SART3: variants seen among roughly 807,000 people sequenced by gnomAD.
SART3 encodes the protein spliceosome associated factor 3, U4/U6 recycling protein.
Under a neutral mutation model 122.3 loss-of-function variants are expected in SART3, and 44 were observed. The ratio of observed to expected loss-of-function variants is 0.36; its 90% CI spans 0.28 to 0.46. The LOEUF (loss-of-function observed/expected upper bound fraction) is 0.46, where lower values mean the gene tolerates loss of function less well. Ranked by LOEUF, SART3 falls within the 20% of genes least tolerant of loss-of-function variation. The probability of loss-of-function intolerance (pLI) is 1.00; values close to 1 mark genes in which losing one functional copy is unlikely to be tolerated. For missense variants in SART3, 1,101 were observed against 1,229.0 expected (o/e 0.90, Z 1.56); for synonymous variants, 442 against 454.0 (o/e 0.97, Z 0.34).
At chr12:108,542,889 G>A (rs769600503) in intron 6 of SART3, 139 bp downstream of exon 6, 67 of 1,144,892 alleles carry the variant, frequency 5.9e-5, no homozygotes, top group Non-Finnish European at 7.8e-5. Context: ...TTTATTATTA[G>A]TATGTAAACT....
rs1473885023 is a variant in SART3, at chr12:108,522,455, A to G, written c.*1002T>C. ...CTGGCCAATGCTGTTGCTGTTTTCA[A>G]AGCAGTAAATATTATTTGATAAAAG... is the stretch of plus-strand genomic sequence containing the variant. On this transcript the variant is annotated 3_prime_UTR_variant, in exon 19 of 19. Coordinates refer to ENST00000546815, the MANE Select transcript of SART3 (RefSeq NM_014706.4). 6.6e-6 allele frequency: 1 copy of G among 152,202 alleles called. No individual in the cohort carries two copies. The highest frequency in any genetic ancestry group is 2.4e-5 in the African/African-American group (1 of 41,448). 9.4% of individuals were successfully genotyped at this position (152,202 alleles called of 1,614,324 possible). A position where few individuals can be genotyped will look rare whatever the true frequency, so the allele number is the denominator to read the frequency against.
intron 1 of SART3, among the ~76,000 whole-genome samples, chr12:108,556,661 C>T (rs1054294809): frequency 6.6e-6 from 1 of 152,250 alleles, no homozygotes. Flanking sequence ...CATGAAAGAG[C>T]TGGGCTAAAG....
chr12:108,543,446 C>T (rs1294589441), intron 5 of SART3, among the ~76,000 whole-genome samples: 1 of 152,234 alleles, frequency 6.6e-6, no homozygotes, highest in African/African-American at 2.4e-5. Flanking sequence ...TCCACTAACT[C>T]ATTCAGTCAT....
intron 18 of SART3, chr12:108,524,032 T>C: frequency 1.8e-6 from 1 of 559,812 alleles, no homozygotes; most frequent in South Asian, 2.1e-5. Flanking sequence ...AACACACAGA[T>C]CCAACTGGCA....
chr12:108,551,623 T>C (rs1013380717), intron 1 of SART3, among the ~76,000 whole-genome samples: 2 of 152,294 alleles, frequency 1.3e-5, no homozygotes, highest in South Asian at 2.1e-4. Flanking sequence ...CTAATTTATA[T>C]AGAGAACAGC....
chr12:108,531,944 G>A, intron 13 of SART3: 1 of 408,420 alleles, frequency 2.4e-6, no homozygotes, highest in Non-Finnish European at 4.6e-6. Flanking sequence ...CTAGAAGCCA[G>A]GGATGCCCCT....
intron 6 of SART3, among the ~76,000 whole-genome samples, chr12:108,539,518 A>C (rs1310107985): frequency 6.6e-6 from 1 of 152,236 alleles, no homozygotes; most frequent in East Asian, 1.9e-4. Context: ...TCTTATTCCA[A>C]ATATCAGTTC....
rs781189937 is a variant in SART3, at chr12:108,531,264, C to T, written c.1686G>A (p.Trp562Ter). 6.2e-7 allele frequency: 1 copy of T among 1,613,626 alleles called. No homozygotes were observed. Among genetic ancestry groups the T allele is most frequent in the Non-Finnish European group, 8.5e-7 (1 of 1,179,636 alleles). The change falls in exon 14 of 19, where the codon TGG becomes TGA. Residue 562 changes from tryptophan (W) to a stop codon, truncating the protein, a stop_gained. Coordinates refer to ENST00000546815, the MANE Select transcript of SART3 (RefSeq NM_014706.4). LOFTEE classifies it high-confidence loss of function. ...TTTCAGTTTTCTGAACAGCTATATC[C>T]CAATCTTCTAAAGAACCTTGAAAGA... ...MERTEGSLED[W>*]DIAVQKTETR...
At chr12:108,555,949 C>T (rs1160845185) in intron 1 of SART3, among the ~76,000 whole-genome samples, 2 of 152,156 alleles carry the variant, frequency 1.3e-5, no homozygotes, top group African/African-American at 2.4e-5. Flanking sequence ...GGAATTGGCA[C>T]AGGATAGACA....
rs1368289499 is a variant in SART3, at chr12:108,549,123, C to T, written c.404G>A (p.Arg135His). The change falls in exon 2 of 19, where the codon CGC (arginine) becomes CAC (histidine). Residue 135 changes from arginine to histidine, a missense_variant. Arg to His is a conservative substitution (Grantham distance 29). This residue lies in a region of SART3 where 885 missense variants were observed against 1,080.1 expected (regional missense o/e 0.82). Coordinates refer to ENST00000546815, the MANE Select transcript of SART3 (RefSeq NM_014706.4). ...EGELTKVRMA[R>H]QKMSEIFPLT... ...GGGAAAGATTTCACTCATCTTCTGG[C>T]GGGCCATCCTCACCTTGGTAAGCTC... 2.5e-6 allele frequency: 4 copies of T among 1,614,158 alleles called. No homozygotes were observed. Among genetic ancestry groups the T allele is most frequent in the Admixed American group, 1.7e-5 (1 of 60,024 alleles).
chr12:108,538,243 T>TTAAG, intron 7 of SART3, 40 bp from the exon 8 acceptor site: 1 of 1,610,624 alleles, frequency 6.2e-7, no homozygotes, highest in Non-Finnish European at 8.5e-7. Flanking sequence ...TTACACTTTA[T>TTAAG]TAAGCATTCA....
chr12:108,550,838 G>A (rs1010874382), intron 1 of SART3, among the ~76,000 whole-genome samples: 1 of 152,008 alleles, frequency 6.6e-6, no homozygotes, highest in Admixed American at 6.6e-5. Context: ...ACAAAACAAG[G>A]CTCCATCTCA....
At chr12:108,552,406 T>G (rs1392184385) in intron 1 of SART3, among the ~76,000 whole-genome samples, 1 of 150,964 alleles carries the variant, frequency 6.6e-6, no homozygotes, top group African/African-American at 2.4e-5. Flanking sequence ...GCTATACAGC[T>G]CGGAAAAATA....
intron 14 of SART3, among the ~76,000 whole-genome samples, chr12:108,530,572 A>C (rs1872633023): frequency 6.6e-6 from 1 of 151,990 alleles, no homozygotes; most frequent in African/African-American, 2.4e-5. Context: ...AATCCATAAA[A>C]CTGGCCGGGC....
At chr12:108,547,244 T>G (rs1057373998) in intron 3 of SART3, among the ~76,000 whole-genome samples, 3 of 152,142 alleles carry the variant, frequency 2.0e-5, no homozygotes, top group Non-Finnish European at 2.9e-5. Context: ...TAAAGGGAGG[T>G]GAGTCTTCTA....
At chr12:108,543,558 G>A (rs182025000) in intron 5 of SART3, among the ~76,000 whole-genome samples, 13 of 152,332 alleles carry the variant, frequency 8.5e-5, no homozygotes, top group African/African-American at 2.4e-4. Context: ...GAGCAAGGCT[G>A]TGAACCCAAG....
intron 15 of SART3, among the ~76,000 whole-genome samples, chr12:108,529,498 T>A (rs1334512760): frequency 3.3e-5 from 5 of 152,158 alleles, no homozygotes; most frequent in Non-Finnish European, 5.9e-5. Flanking sequence ...AAGGAAATGA[T>A]CAAAGAACAA....
At chr12:108,530,538 TACTC>T (rs1299711219) in intron 14 of SART3, among the ~76,000 whole-genome samples, 2 of 152,058 alleles carry the variant, frequency 1.3e-5, no homozygotes, top group African/African-American at 2.4e-5. Flanking sequence ...CCCTAATCAT[TACTC>T]ACCAAAAGGA....
chr12:108,556,122 G>T (rs1388329122), intron 1 of SART3, among the ~76,000 whole-genome samples: 5 of 150,512 alleles, frequency 3.3e-5, no homozygotes, highest in Non-Finnish European at 7.4e-5. Flanking sequence ...TTGAGTCAGG[G>T]TCTCACTCTT....
Sources: allele counts gnomAD v4.1 joint callset (sites outside exome capture counted in the v4.1 genomes callset), GRCh38; gene constraint gnomAD v4.1.1; regional missense constraint gnomAD v4.1.1; transcripts MANE v1.5; gene names NCBI Gene and HGNC (gene_info 2026-07-23, HGNC 2026-07-21).